The following UNC5A variants were observed in gnomAD, a reference collection of about 807,000 sequenced individuals.
UNC5A encodes netrin receptor UNC5A.
In UNC5A, 20 loss-of-function variants were observed where a neutral mutation model predicts 87.4. The ratio of observed to expected loss-of-function variants is 0.23; its 90% CI spans 0.16 to 0.33. The LOEUF (loss-of-function observed/expected upper bound fraction) is 0.33. Ranked by LOEUF, UNC5A falls within the 10% of genes least tolerant of loss-of-function variation. The pLI is 1.00. For missense variants in UNC5A, 844 were observed against 1,133.4 expected (o/e 0.74, Z 3.67); for synonymous variants, 438 against 482.3 (o/e 0.91, Z 1.20).
chr5:176,843,383 A>G (rs1412098417), intron 1 of UNC5A, among the ~76,000 whole-genome samples: 1 of 151,558 alleles, frequency 6.6e-6, no homozygotes, highest in Non-Finnish European at 1.5e-5. Flanking sequence ...ATTCTGCATG[A>G]TCCCATTGCG....
At position 176,869,076 on chromosome 5, in the gene UNC5A, A is replaced by G; in HGVS notation, c.721+112A>G. ...ATGAGGCCAAAGCCAGGTGGACCAG[A>G]TCGTGCCTGACTAGGCAGGATAAGC... On this transcript the variant is annotated intron_variant, in intron 5 of 14. Coordinates refer to ENST00000329542, the MANE Select transcript of UNC5A (RefSeq NM_133369.3). This position sits in a 1 kb window ranked among gnomAD's most constrained non-coding sequence, Gnocchi z 9.1. The G allele has an allele frequency of 8.1e-7, 1 of 1,241,654 alleles. No individual in the cohort carries two copies. The highest frequency in any genetic ancestry group is 1.1e-6 in the Non-Finnish European group (1 of 916,050). The allele number at this position is 1,241,654 out of a possible 1,614,324, so 76.9% of individuals were successfully genotyped here.
chr5:176,875,187 G>A lies in UNC5A; in HGVS notation c.1378+621G>A, dbSNP rs1441749981. Among the ~76,000 whole-genome samples the A allele has an allele frequency of 2.6e-5, 4 of 151,974 alleles. No individual in the cohort carries two copies. The South Asian group carries it at 6.2e-4, about 24-fold the overall frequency. On this transcript the variant is annotated intron_variant, in intron 8 of 14. Coordinates refer to ENST00000329542, the MANE Select transcript of UNC5A (RefSeq NM_133369.3). This position sits in a 1 kb window ranked among gnomAD's most constrained non-coding sequence, Gnocchi z 5.2. ...AGTGCCCTTCTCCCCGAGCGGCCTC[G>A]CCCACTCCATGGCTTTAATCGCCGT... is the stretch of plus-strand genomic sequence containing the variant.
chr5:176,821,089 C>T (rs559285862), intron 1 of UNC5A, among the ~76,000 whole-genome samples: 1 of 152,356 alleles, frequency 6.6e-6, no homozygotes, highest in Admixed American at 6.5e-5. Context: ...CAGCATGCCA[C>T]TTTCTCAGAT....
chr5:176,880,237 A>G lies in UNC5A; in HGVS notation c.*351A>G, dbSNP rs1314965397. 9.5e-6 allele frequency: 2 copies of G among 211,302 alleles called. No individual in the cohort carries two copies. The highest frequency in any genetic ancestry group is 4.6e-5 in the African/African-American group (2 of 43,310). 13.1% of individuals were successfully genotyped at this position (211,302 alleles called of 1,614,324 possible). ...CCCGCATACACACGGCCATGCACGC[A>G]CACACTGGGCCTGGGCCAGGGCCCC... On this transcript the variant is annotated 3_prime_UTR_variant, in exon 15 of 15. Coordinates refer to ENST00000329542, the MANE Select transcript of UNC5A (RefSeq NM_133369.3).
Position 176,879,881 on chromosome 5 carries a change from TG to T in UNC5A, c.2525del (p.Cys842SerfsTer132). On this transcript the variant is annotated frameshift_variant, in exon 15 of 15. Coordinates refer to ENST00000329542, the MANE Select transcript of UNC5A (RefSeq NM_133369.3). LOFTEE classifies it high-confidence loss of function. ...CCTCTTCACAGTGTCGGAGGCTGAG[TG>T]CTGAGGCCGGCCAGGCCCGACACCT... ...AGLFTVSEAE[C>X] 1 of 1,606,840 alleles carries T rather than the reference TG, an allele frequency of 6.2e-7. No homozygotes were observed. Among genetic ancestry groups the T allele is most frequent in the South Asian group, 1.1e-5 (1 of 90,384 alleles).
intron 1 of UNC5A, among the ~76,000 whole-genome samples, chr5:176,822,137 C>G (rs1756741331): frequency 6.6e-6 from 1 of 152,244 alleles, no homozygotes; most frequent in African/African-American, 2.4e-5. Context: ...CATAGGGCTG[C>G]AAGGATTAAA....
intron 1 of UNC5A, among the ~76,000 whole-genome samples, chr5:176,853,579 G>T (rs897181451): frequency 2.6e-5 from 4 of 152,334 alleles, no homozygotes; most frequent in Non-Finnish European, 5.9e-5. Context: ...TCATGCACAC[G>T]TTACTATGGA....
At chr5:176,873,930 C>T (rs774731925) in intron 6 of UNC5A, 38 bp from the exon 7 acceptor site, 1 of 1,597,172 alleles carries the variant, frequency 6.3e-7, no homozygotes, top group South Asian at 1.1e-5. Flanking sequence ...CAGACTCCTA[C>T]ACCCCTGCCC....
At chr5:176,811,559 C>T (rs1756455096) in intron 1 of UNC5A, among the ~76,000 whole-genome samples, 1 of 152,094 alleles carries the variant, frequency 6.6e-6, no homozygotes, top group African/African-American at 2.4e-5. Context: ...CATTGGTCAC[C>T]CTAACCCACT....
At chr5:176,868,446 C>A in intron 3 of UNC5A, 115 bp from the exon 4 acceptor site, 1 of 1,435,082 alleles carries the variant, frequency 7.0e-7, no homozygotes, top group Non-Finnish European at 9.5e-7. Flanking sequence ...GCCCCCTGGC[C>A]ACCTGGCACT....
At position 176,848,945 on chromosome 5, in the gene UNC5A, C is replaced by T. The variant is rs529384258; in HGVS notation, c.71-13679C>T. Among the ~76,000 whole-genome samples the T allele has an allele frequency of 6.6e-6, 1 of 152,368 alleles. No homozygotes were observed. Among genetic ancestry groups the T allele is most frequent in the Admixed American group, 6.5e-5 (1 of 15,306 alleles). ...CCGCCCAGGTACCTGGGGCAATGGA[C>T]AGCCGACCTCTCCGCCTCTGTCCAG... On this transcript the variant is annotated intron_variant, in intron 1 of 14. Transcript: ENST00000329542. This position sits in a 1 kb window ranked among gnomAD's most constrained non-coding sequence, Gnocchi z 5.8.
intron 1 of UNC5A, among the ~76,000 whole-genome samples, chr5:176,830,651 T>TGG (rs1756986184): frequency 8.3e-6 from 1 of 120,578 alleles, no homozygotes; most frequent in Admixed American, 8.6e-5. Flanking sequence ...CGTGTGCATT[T>TGG]GTGTGTGTGT....
chr5:176,870,113 GC>G (rs1758073558), intron 5 of UNC5A, among the ~76,000 whole-genome samples: 1 of 152,158 alleles, frequency 6.6e-6, no homozygotes, highest in Non-Finnish European at 1.5e-5. Flanking sequence ...CTGCCCCAGG[GC>G]CAGGACAGCC....
At chr5:176,871,636 C>A (rs1581276049) in intron 6 of UNC5A, among the ~76,000 whole-genome samples, 3 of 4,882 alleles carry the variant, frequency 6.1e-4, no homozygotes, top group African/African-American at 1.1e-3. Flanking sequence ...ACACTCGCCC[C>A]ACACCACAGC....
chr5:176,879,156 A>G (rs1272629178), intron 13 of UNC5A, among the ~76,000 whole-genome samples, 154 bp from the exon 14 acceptor site: 1 of 151,918 alleles, frequency 6.6e-6, no homozygotes, highest in Non-Finnish European at 1.5e-5. Flanking sequence ...CCCCAGTAAG[A>G]AGGGCCTTGG....
At chr5:176,843,093 A>G (rs1364930362) in intron 1 of UNC5A, among the ~76,000 whole-genome samples, 1 of 151,274 alleles carries the variant, frequency 6.6e-6, no homozygotes, top group Admixed American at 6.6e-5. Flanking sequence ...CCCAGGAGGC[A>G]GTGGTTGCAG....
intron 1 of UNC5A, among the ~76,000 whole-genome samples, chr5:176,831,987 A>G (rs531337246): frequency 2.1e-5 from 3 of 143,496 alleles, no homozygotes; most frequent in African/African-American, 8.1e-5. Flanking sequence ...ACCTCCACCT[A>G]CCTGGCTCAA....
chr5:176,814,865 G>A (rs971494012), intron 1 of UNC5A, among the ~76,000 whole-genome samples: 15 of 152,154 alleles, frequency 9.9e-5, no homozygotes, highest in African/African-American at 3.6e-4. Context: ...CTATTGCTGG[G>A]GACAGGGAGA....
intron 1 of UNC5A, among the ~76,000 whole-genome samples, chr5:176,834,453 T>C (rs1485592167): frequency 6.6e-6 from 1 of 152,180 alleles, no homozygotes; most frequent in African/African-American, 2.4e-5. Flanking sequence ...TTAAAGAGTT[T>C]TCTATGGAGC....
Sources: allele counts gnomAD v4.1 joint callset (sites outside exome capture counted in the v4.1 genomes callset), GRCh38; gene constraint gnomAD v4.1.1; non-coding constraint Gnocchi (gnomAD v3.1); transcripts MANE v1.5; gene names NCBI Gene and HGNC (gene_info 2026-07-23, HGNC 2026-07-21).